CTNNA2: variants seen among roughly 807,000 people sequenced by gnomAD.
The protein encoded by CTNNA2 is catenin alpha-2.
In CTNNA2, 42 loss-of-function variants were observed where a neutral mutation model predicts 101.0. The ratio of observed to expected loss-of-function variants is 0.42; its 90% CI spans 0.32 to 0.54. CTNNA2 has a LOEUF of 0.54. Ranked by LOEUF, CTNNA2 falls within the 20% of genes least tolerant of loss-of-function variation. CTNNA2 has a pLI of 0.14. For missense variants in CTNNA2, 871 were observed against 1,223.1 expected (o/e 0.71, Z 4.29); for synonymous variants, 450 against 456.4 (o/e 0.99, Z 0.18).
At chr2:79,931,430 T>G (rs1161386889) in intron 7 of CTNNA2, among the ~76,000 whole-genome samples, 1 of 152,160 alleles carries the variant, frequency 6.6e-6, no homozygotes, top group Non-Finnish European at 1.5e-5. Context: ...TGTGACTTTT[T>G]TAGATTCCAC....
In CTNNA2 at chr2:79,280,909, A is replaced by G. The variant is rs529024729; in HGVS notation, c.-405-31800A>G. Reference sequence around the variant, plus strand: ...ACCAATGACACACCCGTATCATACTAGAAAGCCTGATGGGATCACTTTGAA... The same window carrying G: ...ACCAATGACACACCCGTATCATACTGGAAAGCCTGATGGGATCACTTTGAA... On this transcript the variant is annotated intron_variant, in intron 2 of 21. Transcript: ENST00000466387. Among the ~76,000 whole-genome samples the G allele has an allele frequency of 2.6e-5, 4 of 152,152 alleles. No homozygotes were observed. The South Asian group carries it at 8.3e-4, about 32-fold the overall frequency.
At chr2:79,543,122 G>C (rs577196455) in intron 1 of CTNNA2, among the ~76,000 whole-genome samples, 9 of 152,006 alleles carry the variant, frequency 5.9e-5, no homozygotes, top group Non-Finnish European at 1.3e-4. Flanking sequence ...GCTGTTTTGT[G>C]ATGTAAAATT....
At chr2:79,985,149 C>T (rs955314719) in intron 7 of CTNNA2, among the ~76,000 whole-genome samples, 1 of 152,192 alleles carries the variant, frequency 6.6e-6, no homozygotes, top group Non-Finnish European at 1.5e-5. Flanking sequence ...TCCAGCCTGC[C>T]CTGCAGGCTG....
chr2:80,128,831 C>A (rs1558835005), intron 7 of CTNNA2, among the ~76,000 whole-genome samples: 1 of 152,202 alleles, frequency 6.6e-6, no homozygotes, highest in Non-Finnish European at 1.5e-5. Flanking sequence ...GAGTCGTCAC[C>A]AGGCCATTTT....
At chr2:80,379,568 G>T (rs1470737840) in intron 7 of CTNNA2, among the ~76,000 whole-genome samples, 2 of 152,032 alleles carry the variant, frequency 1.3e-5, no homozygotes. Flanking sequence ...TCTATTTCAG[G>T]TGTACTTCCA....
Position 79,800,343 on chromosome 2 carries a change from C to G in CTNNA2, c.298+55761C>G, listed in dbSNP as rs142651224. Among the ~76,000 whole-genome samples, 117 of 152,242 alleles carry G rather than the reference C, an allele frequency of 7.7e-4. 1 individual carries two copies. The highest frequency in any genetic ancestry group is 2.6e-3 in the African/African-American group (110 of 41,544). On this transcript the variant is annotated intron_variant, in intron 3 of 18. Transcript: ENST00000402739. ...CTTTTCTAAACTCCAGGCAAATGTT[C>G]TCCCTTGCATTGAGATATGTACATT...
intron 3 of CTNNA2, among the ~76,000 whole-genome samples, chr2:79,844,143 A>G (rs1241500492): frequency 3.9e-5 from 6 of 152,200 alleles, no homozygotes; most frequent in Non-Finnish European, 8.8e-5. Context: ...AAAGGAAATA[A>G]ACACTAAGAA....
intron 7 of CTNNA2, among the ~76,000 whole-genome samples, chr2:80,061,637 A>G (rs1697606654): frequency 6.6e-6 from 1 of 152,208 alleles, no homozygotes; most frequent in African/African-American, 2.4e-5. Context: ...AAGTCCATAA[A>G]GTTGAATACT....
At chr2:79,913,915 C>T (rs1685990698) in intron 7 of CTNNA2, among the ~76,000 whole-genome samples, 1 of 151,486 alleles carries the variant, frequency 6.6e-6, no homozygotes, top group African/African-American at 2.4e-5. Flanking sequence ...CGCCTGTAAT[C>T]CCAGCACTTT....
Position 79,909,765 on chromosome 2 carries a change from C to T in CTNNA2, c.1024C>T (p.Leu342Phe), listed in dbSNP as rs761781497. The stretch of plus-strand genomic sequence containing the variant: ...GGAGTGCAACGCCGTGCGGCAGGCG[C>T]TCCAGGACCTGCTCAGCGAGTACAT... ...VAECNAVRQALQDLLSEYMNN... is the reference protein window; with the variant it reads ...VAECNAVRQAFQDLLSEYMNN... The change falls in exon 7 of 19, where the codon CTC becomes TTC. Residue 342 changes from leucine to phenylalanine, a missense_variant. Physicochemically the swap from Leu to Phe is conservative, Grantham distance 22 (BLOSUM62 0). Transcript: ENST00000402739. The T allele has an allele frequency of 1.9e-6, 3 of 1,611,994 alleles. No individual in the cohort carries two copies. The highest frequency in any genetic ancestry group is 2.5e-6 in the Non-Finnish European group (3 of 1,178,964).
At chr2:79,722,254 A>G (rs1419868993) in intron 2 of CTNNA2, among the ~76,000 whole-genome samples, 1 of 152,178 alleles carries the variant, frequency 6.6e-6, no homozygotes, top group Non-Finnish European at 1.5e-5. Flanking sequence ...AACGTATTTC[A>G]TATTTGTTTT....
chr2:79,495,197 A>T (rs991877810), intron 4 of CTNNA2, among the ~76,000 whole-genome samples: 1 of 152,232 alleles, frequency 6.6e-6, no homozygotes, highest in Admixed American at 6.5e-5. Context: ...CACAGAATGG[A>T]ATAAAGTATT....
chr2:79,235,293 C>A (rs1053597971), intron 2 of CTNNA2, among the ~76,000 whole-genome samples: 1 of 152,076 alleles, frequency 6.6e-6, no homozygotes, highest in African/African-American at 2.4e-5. Context: ...TGTATACTGG[C>A]AAAATATTTT....
At chr2:80,000,268 T>C (rs1191631379) in intron 7 of CTNNA2, among the ~76,000 whole-genome samples, 1 of 152,140 alleles carries the variant, frequency 6.6e-6, no homozygotes, top group Non-Finnish European at 1.5e-5. Flanking sequence ...ATCACATAAT[T>C]AGAGAGACAC....
chr2:80,092,276 C>A (rs1699837392), intron 7 of CTNNA2, among the ~76,000 whole-genome samples: 1 of 152,072 alleles, frequency 6.6e-6, no homozygotes, highest in South Asian at 2.1e-4. Flanking sequence ...AAATATTTGT[C>A]ACAAGAATAA....
chr2:80,536,595 T>C (rs1377705466), intron 9 of CTNNA2, among the ~76,000 whole-genome samples: 2 of 152,220 alleles, frequency 1.3e-5, no homozygotes, highest in Non-Finnish European at 2.9e-5. Context: ...TTAAAAAATG[T>C]AATTTGATTT....
At chr2:79,188,069 A>G (rs888390810) in intron 1 of CTNNA2, among the ~76,000 whole-genome samples, 8 of 152,224 alleles carry the variant, frequency 5.3e-5, no homozygotes, top group African/African-American at 1.9e-4. Flanking sequence ...ATGCTTAAAT[A>G]AAAAGCTGGT....
At chr2:79,579,860 T>C (rs2566547) in intron 1 of CTNNA2, among the ~76,000 whole-genome samples, 113,670 of 151,812 alleles carry the variant, frequency 0.75, 43,329 homozygotes, top group Non-Finnish European at 0.83. Context: ...GGGATCCACC[T>C]GCCTCGGCCT....
intron 9 of CTNNA2, among the ~76,000 whole-genome samples, chr2:80,511,140 A>G (rs1293588853): frequency 6.6e-6 from 1 of 152,204 alleles, no homozygotes; most frequent in Non-Finnish European, 1.5e-5. Context: ...AATTCCTGCT[A>G]TATTCATCCC....
Sources: allele counts gnomAD v4.1 joint callset (sites outside exome capture counted in the v4.1 genomes callset), GRCh38; gene constraint gnomAD v4.1.1; transcripts MANE v1.5; gene names NCBI Gene and HGNC (gene_info 2026-07-23, HGNC 2026-07-21).